C16orf74: variants seen among roughly 807,000 people sequenced by gnomAD.
C16orf74 encodes the protein calcimembrin.
Under a neutral mutation model 6.5 loss-of-function variants are expected in C16orf74, and 10 were observed. The observed-to-expected ratio is 1.54, with a 90% CI of 0.95 to 2.61. The LOEUF (loss-of-function observed/expected upper bound fraction) is 2.61, where lower values mean the gene tolerates loss of function less well. Among genes scored for constraint, C16orf74 ranks in the 30% most tolerant of loss-of-function variants. The pLI, the probability that C16orf74 is intolerant of heterozygous loss-of-function variation, is 0.00. For missense variants in C16orf74, 141 were observed against 105.9 expected (o/e 1.33, Z -1.45); for synonymous variants, 60 against 42.5 (o/e 1.41, Z -1.60).
chr16:85,710,456 A>G (rs2053958766), intron 2 of C16orf74, 149 bp from the exon 3 acceptor site: 1 of 622,964 alleles, frequency 1.6e-6, no homozygotes, highest in Non-Finnish European at 2.5e-6. Context: ...TCCCCGCATC[A>G]CAGATGAAAA....
At chr16:85,718,001 AGAGGTCACCGCAGACAC>A (rs971453157) in intron 2 of C16orf74, among the ~76,000 whole-genome samples, 9 of 152,352 alleles carry the variant, frequency 5.9e-5, no homozygotes, top group Non-Finnish European at 1.2e-4. Flanking sequence ...CCGGCCGCCC[AGAGGTCACCGCAGACAC>A]CCGCTGGAGA....
intron 2 of C16orf74, among the ~76,000 whole-genome samples, chr16:85,724,713 G>A (rs1042029606): frequency 4.6e-5 from 7 of 152,164 alleles, no homozygotes; most frequent in East Asian, 1.9e-4. Context: ...CACCCCGGCC[G>A]GCGGGAGGGT....
chr16:85,746,329 G>A (rs762664446), intron 1 of C16orf74, among the ~76,000 whole-genome samples: 20 of 151,996 alleles, frequency 1.3e-4, no homozygotes, highest in Non-Finnish European at 2.1e-4. Flanking sequence ...AAGCCTGGGC[G>A]GCAAGGTGAG....
intron 2 of C16orf74, among the ~76,000 whole-genome samples, chr16:85,729,719 G>C (rs2054168628): frequency 6.6e-6 from 1 of 152,212 alleles, no homozygotes; most frequent in Non-Finnish European, 1.5e-5. Context: ...TACAAGAGGA[G>C]GAGAGGGAGG....
chr16:85,742,130 T>A (rs554910449), intron 1 of C16orf74, among the ~76,000 whole-genome samples: 1 of 152,126 alleles, frequency 6.6e-6, no homozygotes, highest in Admixed American at 6.5e-5. Context: ...CCTAGCACTG[T>A]GGGAGGCTGA....
chr16:85,715,226 T>C (rs1234396384), intron 2 of C16orf74, among the ~76,000 whole-genome samples: 2 of 150,434 alleles, frequency 1.3e-5, no homozygotes, highest in African/African-American at 4.9e-5. Flanking sequence ...GTGAAACAAA[T>C]CAAAGGAAGT....
intron 1 of C16orf74, among the ~76,000 whole-genome samples, chr16:85,747,229 T>C (rs60236762): frequency 0.057 from 8,648 of 152,158 alleles, 454 homozygotes; most frequent in Admixed American, 0.17. Context: ...AAAACATTTA[T>C]CAAAAAATAA....
chr16:85,747,703 G>A (rs1045200821), intron 1 of C16orf74, among the ~76,000 whole-genome samples: 3 of 152,196 alleles, frequency 2.0e-5, no homozygotes, highest in Middle Eastern at 3.2e-3. Context: ...GGCCTCAGGA[G>A]ACCCAGAGAA....
At chr16:85,727,905 C>T (rs967506531) in intron 2 of C16orf74, among the ~76,000 whole-genome samples, 1 of 146,062 alleles carries the variant, frequency 6.8e-6, no homozygotes, top group Non-Finnish European at 1.5e-5. Flanking sequence ...TTGGGAGGTC[C>T]AGGCTTGAAG....
chr16:85,728,618 G>C (rs1242111597), intron 2 of C16orf74, among the ~76,000 whole-genome samples: 1 of 152,226 alleles, frequency 6.6e-6, no homozygotes, highest in Non-Finnish European at 1.5e-5. Flanking sequence ...CATGCCTGCA[G>C]TTTAAGTCTT....
chr16:85,747,669 C>G (rs1424456637), intron 1 of C16orf74, among the ~76,000 whole-genome samples: 1 of 152,278 alleles, frequency 6.6e-6, no homozygotes, highest in East Asian at 1.9e-4. Flanking sequence ...GAGATTTATT[C>G]TGAGTCAAAT....
intron 1 of C16orf74, among the ~76,000 whole-genome samples, chr16:85,745,139 TAAAAAA>T (rs10554549): frequency 3.9e-5 from 2 of 50,994 alleles, no homozygotes; most frequent in African/African-American, 9.0e-5. Context: ...AAACTCTGTC[TAAAAAA>T]AAAAAAAAAA....
At chr16:85,739,860 C>G (rs1408073242) in intron 1 of C16orf74, among the ~76,000 whole-genome samples, 1 of 152,132 alleles carries the variant, frequency 6.6e-6, no homozygotes, top group East Asian at 1.9e-4. Flanking sequence ...AGGTGACAGT[C>G]TGGGGTCAAT....
At chr16:85,740,908 C>T (rs1038161944) in intron 1 of C16orf74, among the ~76,000 whole-genome samples, 1 of 151,272 alleles carries the variant, frequency 6.6e-6, no homozygotes, top group Non-Finnish European at 1.5e-5. Flanking sequence ...ACTTAACTCT[C>T]AAATTGTTCA....
intron 2 of C16orf74, among the ~76,000 whole-genome samples, chr16:85,724,361 G>A (rs1407646616): frequency 2.6e-5 from 4 of 152,324 alleles, no homozygotes; most frequent in South Asian, 2.1e-4. Flanking sequence ...TAAGGAAACT[G>A]CAGGGAACGA....
chr16:85,733,790 A>G (rs415418), intron 2 of C16orf74, among the ~76,000 whole-genome samples: 145,410 of 152,188 alleles, frequency 0.96, 69,823 homozygotes, highest in East Asian at 1. Flanking sequence ...GGTCCTGGAG[A>G]GGACGTGGGC....
At chr16:85,742,219 A>G (rs148991677) in intron 1 of C16orf74, among the ~76,000 whole-genome samples, 77 of 152,256 alleles carry the variant, frequency 5.1e-4, no homozygotes, top group African/African-American at 1.7e-3. Flanking sequence ...CTAAAAGTAC[A>G]AAAATTAGCT....
intron 1 of C16orf74, among the ~76,000 whole-genome samples, chr16:85,745,961 G>A (rs913825898): frequency 6.6e-6 from 1 of 152,358 alleles, no homozygotes; most frequent in South Asian, 2.1e-4. Flanking sequence ...AGAGCTGGAA[G>A]TGGTCAGAGA....
chr16:85,734,928 T>G (rs2054227527), intron 2 of C16orf74, among the ~76,000 whole-genome samples: 1 of 152,134 alleles, frequency 6.6e-6, no homozygotes, highest in African/African-American at 2.4e-5. Flanking sequence ...CAGCCTGGGA[T>G]TAGGCACCCT....
Sources: gnomAD v4.1 joint callset for allele counts (sites outside exome capture counted in the v4.1 genomes callset) on GRCh38, gnomAD v4.1.1 for gene constraint, MANE v1.5 for transcripts, NCBI Gene and HGNC (gene_info 2026-07-23, HGNC 2026-07-21) for gene names.